Variants in ANO2 observed in about 807,000 individuals in gnomAD.
ANO2 encodes anoctamin-2.
In ANO2, 101 loss-of-function variants were observed where a neutral mutation model predicts 124.2. That is an observed-to-expected ratio of 0.81 (90% CI 0.69 to 0.96). The LOEUF (loss-of-function observed/expected upper bound fraction) is 0.96. Among genes scored for constraint, ANO2 ranks in the 40% least tolerant of loss-of-function variants. The probability of loss-of-function intolerance (pLI) is 0.00; values close to 1 mark genes in which losing one functional copy is unlikely to be tolerated. For missense variants in ANO2, 1,293 were observed against 1,274.5 expected, an observed-to-expected ratio of 1.01 and a Z score of -0.22; for synonymous variants, 486 against 482.5, an observed-to-expected ratio of 1.01 and a Z score of -0.09.
At chr12:5,598,858 T>C (rs1359802798) in intron 20 of ANO2, among the ~76,000 whole-genome samples, 1 of 152,204 alleles carries the variant, frequency 6.6e-6, no homozygotes. Context: ...AAAATGATTG[T>C]GTTCCATCAG....
chr12:5,921,174 C>T lies in ANO2; in HGVS notation c.400G>A (p.Glu134Lys), dbSNP rs746394919. The T allele has an allele frequency of 1.2e-6, 2 of 1,613,972 alleles. No individual in the cohort carries two copies. Among genetic ancestry groups the T allele is most frequent in the East Asian group, 2.2e-5 (1 of 44,866 alleles). Residue 134 changes from glutamate to lysine, a missense_variant, in exon 3 of 25, where the codon GAG (glutamate) becomes AAG (lysine). Coordinates refer to ENST00000682330, the MANE Select transcript of ANO2 (RefSeq NM_001364791.2). ...TCACCTGGGCCCCCAGCATGAGGCTCCTTGCCTGTCTCCCCATTGGAGACG... is the reference window on the plus strand; with the variant it reads ...TCACCTGGGCCCCCAGCATGAGGCTTCTTGCCTGTCTCCCCATTGGAGACG... ...AIVSNGETGK[E>K]PHAGGPGDIE...
intron 14 of ANO2, among the ~76,000 whole-genome samples, chr12:5,683,103 T>C (rs1248616067): frequency 1.3e-5 from 2 of 152,202 alleles, no homozygotes; most frequent in Non-Finnish European, 2.9e-5. Context: ...CTGTGTACCC[T>C]GTGCACTCTG....
chr12:5,576,120 G>C, intron 22 of ANO2, 105 bp from the exon 23 acceptor site: 1 of 1,177,208 alleles, frequency 8.5e-7, no homozygotes, highest in South Asian at 1.9e-5. Flanking sequence ...TGATACAGAA[G>C]CTCATGCAGC....
At chr12:5,711,706 T>C (rs1460031012) in intron 14 of ANO2, among the ~76,000 whole-genome samples, 1 of 152,186 alleles carries the variant, frequency 6.6e-6, no homozygotes, top group Non-Finnish European at 1.5e-5. Context: ...AACTGCTCCC[T>C]TTCAGCCACT....
At chr12:5,880,517 AAGAGGAAGCCCAT>A (rs1296551548) in intron 3 of ANO2, among the ~76,000 whole-genome samples, 3 of 152,096 alleles carry the variant, frequency 2.0e-5, no homozygotes, top group African/African-American at 4.8e-5. Context: ...GAAAGAGAAT[AAGAGGAAGCCCAT>A]AGAGGCAGAG....
chr12:5,929,977 C>T lies in ANO2; in HGVS notation c.23-7173G>A, dbSNP rs567746288. Among the ~76,000 whole-genome samples the T allele has an allele frequency of 4.1e-5, 6 of 147,354 alleles. 1 individual carries two copies. In the South Asian group the frequency reaches 1.3e-3, roughly 32 times the overall value. ...TATTAGTCACTTTCTTACCAGTCTTCCTTCCTTACTAGTCTACCTTCTTTC... is the reference window on the plus strand; with the variant it reads ...TATTAGTCACTTTCTTACCAGTCTTTCTTCCTTACTAGTCTACCTTCTTTC... On this transcript the variant is annotated intron_variant, in intron 1 of 24. Transcript: ENST00000682330.
At chr12:5,835,343 A>G (rs961394410) in intron 4 of ANO2, among the ~76,000 whole-genome samples, 2 of 152,162 alleles carry the variant, frequency 1.3e-5, no homozygotes, top group African/African-American at 4.8e-5. Context: ...AGATGAGTGC[A>G]TGGAGATCTG....
At chr12:5,917,722 CA>C (rs1383065700) in intron 3 of ANO2, among the ~76,000 whole-genome samples, 5 of 151,898 alleles carry the variant, frequency 3.3e-5, no homozygotes, top group Non-Finnish European at 7.4e-5. Flanking sequence ...TGCGCACCAC[CA>C]CACCCAGCTA....
intron 10 of ANO2, among the ~76,000 whole-genome samples, chr12:5,784,979 C>A (rs1044850656): frequency 6.6e-6 from 1 of 152,198 alleles, no homozygotes; most frequent in Admixed American, 6.5e-5. Flanking sequence ...TTAATTTGAG[C>A]CATGGATAGA....
intron 19 of ANO2, among the ~76,000 whole-genome samples, chr12:5,610,325 A>T (rs1481995044): frequency 1.5e-5 from 1 of 67,024 alleles, no homozygotes; most frequent in Non-Finnish European, 2.5e-5. Flanking sequence ...ATAAATATAT[A>T]AATGCATATA....
At chr12:5,730,216 TA>T (rs1373522531) in intron 14 of ANO2, among the ~76,000 whole-genome samples, 1 of 148,152 alleles carries the variant, frequency 6.7e-6, no homozygotes, top group South Asian at 2.1e-4. Flanking sequence ...TTGTGCACTT[TA>T]AATGGGTGAA....
At chr12:5,807,967 C>T (rs1565684132) in intron 7 of ANO2, among the ~76,000 whole-genome samples, 1 of 152,230 alleles carries the variant, frequency 6.6e-6, no homozygotes, top group Non-Finnish European at 1.5e-5. Flanking sequence ...TTTCTAACTG[C>T]TTTCTCACTC....
chr12:5,643,970 A>C (rs1180246248), intron 15 of ANO2, among the ~76,000 whole-genome samples: 2 of 152,196 alleles, frequency 1.3e-5, no homozygotes, highest in Non-Finnish European at 2.9e-5. Context: ...CCATTCTGAT[A>C]ATTTGTCTTC....
rs541915689 is a variant in ANO2 at position 5,906,368 on chromosome 12, A to G, written c.534+14672T>C. Reference sequence around the variant, plus strand: ...TTGTTAAAAAAAAAAAAAAAAGAAAAAGAAAAAAAGAGGCCATCCATGGTG... The same window carrying G: ...TTGTTAAAAAAAAAAAAAAAAGAAAGAGAAAAAAAGAGGCCATCCATGGTG... On this transcript the variant is annotated intron_variant, in intron 3 of 24. Coordinates refer to ENST00000682330, the MANE Select transcript of ANO2 (RefSeq NM_001364791.2). Among the ~76,000 whole-genome samples, 167 of 150,630 alleles carry G rather than the reference A, an allele frequency of 1.1e-3. 2 individuals are homozygous for G. The highest frequency in any genetic ancestry group is 2.0e-3 in the Non-Finnish European group (135 of 67,962).
chr12:5,937,044 A>T (rs1942679464), intron 1 of ANO2, among the ~76,000 whole-genome samples: 1 of 152,226 alleles, frequency 6.6e-6, no homozygotes, highest in Non-Finnish European at 1.5e-5. Context: ...TACCTTTACC[A>T]GGTAGTGATT....
At chr12:5,752,140 T>G (rs2137094154) in intron 10 of ANO2, among the ~76,000 whole-genome samples, 1 of 152,338 alleles carries the variant, frequency 6.6e-6, no homozygotes, top group Admixed American at 6.5e-5. Context: ...CTTGGGTGGC[T>G]TATACCTTCT....
intron 3 of ANO2, among the ~76,000 whole-genome samples, chr12:5,897,340 GA>G (rs200295016): frequency 2.7e-5 from 4 of 150,626 alleles, no homozygotes; most frequent in South Asian, 4.2e-4. Context: ...ACTAAAAAAA[GA>G]AAAAAAAACT....
At chr12:5,919,614 C>T (rs1429472822) in intron 3 of ANO2, among the ~76,000 whole-genome samples, 2 of 152,208 alleles carry the variant, frequency 1.3e-5, no homozygotes. Context: ...TCAGCCCACA[C>T]CCAAGATGAG....
intron 3 of ANO2, among the ~76,000 whole-genome samples, chr12:5,884,535 G>A (rs539562445): frequency 7.2e-5 from 11 of 152,318 alleles, no homozygotes; most frequent in East Asian, 5.8e-4. Context: ...CAGGACAGCC[G>A]GCACTTTCTG....
Sources: gnomAD v4.1 joint callset for allele counts (sites outside exome capture counted in the v4.1 genomes callset) on GRCh38, gnomAD v4.1.1 for gene constraint, MANE v1.5 for transcripts, NCBI Gene and HGNC (gene_info 2026-07-23, HGNC 2026-07-21) for gene names.